HPSE: variants seen among roughly 807,000 people sequenced by gnomAD.
HPSE encodes endo-glucoronidase.
HPSE carries 48 observed loss-of-function variants against 65.1 expected under a neutral mutation model. That is an observed-to-expected ratio of 0.74 (90% CI 0.58 to 0.94). HPSE has a LOEUF of 0.94. Among genes scored for constraint, HPSE ranks in the 40% least tolerant of loss-of-function variants. The probability of loss-of-function intolerance (pLI) is 0.00; values close to 1 mark genes in which losing one functional copy is unlikely to be tolerated. For synonymous variants in HPSE, 243 were observed against 260.0 expected (o/e 0.93, Z 0.63); for missense variants, 644 against 637.5 (o/e 1.01, Z -0.11).
Position 83,300,961 on chromosome 4 carries a change from T to G in HPSE, c.1471A>C (p.Lys491Gln). 1 of 1,580,492 alleles carries G rather than the reference T, an allele frequency of 6.3e-7. No homozygotes were observed. Among genetic ancestry groups the G allele is most frequent in the Non-Finnish European group, 8.6e-7 (1 of 1,164,264 alleles). Residue 491 changes from lysine (K) to glutamine (Q), a missense_variant and splice_region_variant, in exon 11 of 12, where the codon AAA (lysine) becomes CAA (glutamine). Transcript: ENST00000311412. Reference sequence around the variant, plus strand: ...GAATGAACAAGGAAAATTACTTACTTGGAAAGTAATCCATGAGGTCCCAAA... The same window carrying G: ...GAATGAACAAGGAAAATTACTTACTGGGAAAGTAATCCATGAGGTCCCAAA... ...RPLGPHGLLSKSVQLNGLTLK... is the reference protein window; with the variant it reads ...RPLGPHGLLSQSVQLNGLTLK...
chr4:83,297,497 T>C (rs902965894), intron 11 of HPSE, among the ~76,000 whole-genome samples: 3 of 152,212 alleles, frequency 2.0e-5, no homozygotes, highest in Non-Finnish European at 2.9e-5. Flanking sequence ...GTGAGTATAT[T>C]AGTTTATTTA....
At chr4:83,307,496 A>T (rs949882446) in intron 8 of HPSE, among the ~76,000 whole-genome samples, 1 of 152,242 alleles carries the variant, frequency 6.6e-6, no homozygotes, top group African/African-American at 2.4e-5. Context: ...TGCTAGAGGT[A>T]TCCCTTTCAG....
At chr4:83,297,072 T>G (rs574190770) in intron 11 of HPSE, among the ~76,000 whole-genome samples, 1 of 152,316 alleles carries the variant, frequency 6.6e-6, no homozygotes, top group East Asian at 1.9e-4. Flanking sequence ...TAGTTTTCTA[T>G]GTTTTAGATA....
At chr4:83,327,186 C>T (rs1378042177) in intron 1 of HPSE, among the ~76,000 whole-genome samples, 1 of 152,144 alleles carries the variant, frequency 6.6e-6, no homozygotes, top group African/African-American at 2.4e-5. Context: ...TTAATAAATA[C>T]TTAAGTGAAT....
At chr4:83,323,351 T>C (rs1436738458) in intron 1 of HPSE, among the ~76,000 whole-genome samples, 1 of 152,100 alleles carries the variant, frequency 6.6e-6, no homozygotes, top group Non-Finnish European at 1.5e-5. Context: ...TCAGTGTAGG[T>C]TCATCAACTA....
chr4:83,309,006 A>C (rs1447207080), intron 7 of HPSE, 55 bp from the exon 8 acceptor site: 1 of 1,405,524 alleles, frequency 7.1e-7, no homozygotes. Context: ...CTGTGGTTTC[A>C]ACTGTGGTGT....
intron 3 of HPSE, among the ~76,000 whole-genome samples, chr4:83,317,869 T>A (rs1359729739): frequency 6.6e-6 from 1 of 152,228 alleles, no homozygotes; most frequent in Non-Finnish European, 1.5e-5. Context: ...ATTCCTTTAA[T>A]GGGATCTGAA....
chr4:83,295,877 C>A (rs1735704539), intron 11 of HPSE, among the ~76,000 whole-genome samples: 1 of 152,122 alleles, frequency 6.6e-6, no homozygotes, highest in African/African-American at 2.4e-5. Flanking sequence ...TAATTGAAAC[C>A]TTTTTTATGT....
At chr4:83,317,210 T>C (rs1736688984) in intron 3 of HPSE, among the ~76,000 whole-genome samples, 1 of 152,236 alleles carries the variant, frequency 6.6e-6, no homozygotes, top group South Asian at 2.1e-4. Flanking sequence ...GGGACATGTG[T>C]TTTAAGGGTG....
intron 9 of HPSE, 46 bp from the exon 10 acceptor site, chr4:83,302,314 T>C (rs2126184092): frequency 8.7e-7 from 1 of 1,155,290 alleles, no homozygotes; most frequent in Non-Finnish European, 1.3e-6. Flanking sequence ...AGATGTTTAC[T>C]TATGTCCTTA....
chr4:83,299,792 C>A (rs987459614), intron 11 of HPSE, among the ~76,000 whole-genome samples: 23 of 151,972 alleles, frequency 1.5e-4, no homozygotes, highest in African/African-American at 5.1e-4. Flanking sequence ...CAGCCATGAC[C>A]CCCCTGGGCT....
At chr4:83,332,816 C>G (rs551052792) in intron 1 of HPSE, among the ~76,000 whole-genome samples, 25 of 152,296 alleles carry the variant, frequency 1.6e-4, no homozygotes, top group Admixed American at 1.4e-3. Flanking sequence ...TCTGTCCTTT[C>G]TTGGGGAGAG....
At chr4:83,330,517 C>T (rs1400519468) in intron 1 of HPSE, among the ~76,000 whole-genome samples, 2 of 152,216 alleles carry the variant, frequency 1.3e-5, no homozygotes, top group Non-Finnish European at 1.5e-5. Flanking sequence ...GGAGTCTGCA[C>T]CTCTTTCCAA....
chr4:83,308,818 C>A (rs766603392), intron 8 of HPSE, 27 bp downstream of exon 8: 1 of 1,544,506 alleles, frequency 6.5e-7, no homozygotes, highest in East Asian at 2.2e-5. Flanking sequence ...GCACTCTGAC[C>A]CCTAAGGCCA....
At chr4:83,317,651 T>A (rs914668136) in intron 3 of HPSE, among the ~76,000 whole-genome samples, 1 of 152,186 alleles carries the variant, frequency 6.6e-6, no homozygotes, top group Non-Finnish European at 1.5e-5. Flanking sequence ...AACAGAAAGA[T>A]CCTGTAAAGT....
intron 1 of HPSE, among the ~76,000 whole-genome samples, chr4:83,328,209 C>T (rs1046155460): frequency 3.9e-5 from 6 of 152,158 alleles, no homozygotes; most frequent in Admixed American, 6.5e-5. Context: ...TTTGAAAAGC[C>T]GAAACGTTGA....
At chr4:83,309,975 G>T in intron 6 of HPSE, 56 bp downstream of exon 6, 1 of 1,264,566 alleles carries the variant, frequency 7.9e-7, no homozygotes. Context: ...TGAATACTAG[G>T]TAATAAATAA....
At chr4:83,319,230 C>A in intron 3 of HPSE, 114 bp downstream of exon 3, 1 of 1,021,176 alleles carries the variant, frequency 9.8e-7, no homozygotes, top group Non-Finnish European at 1.4e-6. Flanking sequence ...GGAAATGCTT[C>A]AGTATTTTCA....
Position 83,334,693 on chromosome 4 carries a change from G to T in HPSE, c.90C>A (p.Pro30=). 3 of 1,570,702 alleles carry T rather than the reference G, an allele frequency of 1.9e-6. No individual in the cohort carries two copies. Among genetic ancestry groups the T allele is most frequent in the Non-Finnish European group, 2.6e-6 (3 of 1,157,824 alleles). The change falls in exon 1 of 12, where the codon CCC becomes CCA. Residue 30 remains proline (P), a synonymous_variant. Coordinates refer to ENST00000311412, the MANE Select transcript of HPSE (RefSeq NM_001098540.3). The stretch of plus-strand genomic sequence containing the variant: ...CGACGTCCTGTGCTTGCGCAGGTCG[G>T]GGCAGGGCGCCAGGGGAGAGGGGAC... The part of the protein sequence containing the change: ...PLGPLSPGAL[P]RPAQAQDVVD...
Sources: allele counts gnomAD v4.1 joint callset (sites outside exome capture counted in the v4.1 genomes callset), GRCh38; gene constraint gnomAD v4.1.1; transcripts MANE v1.5; gene names NCBI Gene and HGNC (gene_info 2026-07-23, HGNC 2026-07-21).